The following CNKSR2 variants were observed in gnomAD, a reference collection of about 807,000 sequenced individuals.
CNKSR2 encodes CNK homolog protein 2.
CNKSR2 carries 14 observed loss-of-function variants against 84.4 expected under a neutral mutation model. That is an observed-to-expected ratio of 0.17 (90% CI 0.11 to 0.26). The LOEUF (loss-of-function observed/expected upper bound fraction) is 0.26. Among genes scored for constraint, CNKSR2 ranks in the 10% least tolerant of loss-of-function variants. The pLI is 1.00. For synonymous variants in CNKSR2, 275 were observed against 277.9 expected, an observed-to-expected ratio of 0.99 and a Z score of 0.10; for missense variants, 485 against 771.2, an observed-to-expected ratio of 0.63 and a Z score of 4.40.
At chrX:21,604,311 T>G (rs937218443) in intron 18 of CNKSR2, among the ~76,000 whole-genome samples, 1 of 109,303 alleles carries the variant, frequency 9.1e-6, no homozygotes, top group East Asian at 2.9e-4. Context: ...CACCGGGGCC[T>G]GCTGTGGAGT....
chrX:21,438,024 G>C (rs1210355256), intron 3 of CNKSR2, among the ~76,000 whole-genome samples: 2 of 111,168 alleles, frequency 1.8e-5, no homozygotes, highest in African/African-American at 3.3e-5. Context: ...AATATACTGG[G>C]TTTAGGAGTA....
chrX:21,549,138 G>A (rs2092059041), intron 11 of CNKSR2, among the ~76,000 whole-genome samples: 1 of 112,442 alleles, frequency 8.9e-6, no homozygotes, highest in Non-Finnish European at 1.9e-5. Context: ...ATTTGTCCCT[G>A]TTTGCAGATG....
chrX:21,607,602 G>A (rs750269062), intron 19 of CNKSR2, among the ~76,000 whole-genome samples: 128 of 111,180 alleles, frequency 1.2e-3, no homozygotes, highest in Middle Eastern at 9.2e-3. Flanking sequence ...TCAGGAGTTC[G>A]AAAGCAGCCT....
chrX:21,474,251 G>A (rs887742947), intron 5 of CNKSR2, among the ~76,000 whole-genome samples: 2 of 111,045 alleles, frequency 1.8e-5, no homozygotes, highest in African/African-American at 6.6e-5. Context: ...TATTGTATAT[G>A]AGCATCTTAG....
At chrX:21,620,357 T>C (rs1283763872) in intron 20 of CNKSR2, among the ~76,000 whole-genome samples, 2 of 110,586 alleles carry the variant, frequency 1.8e-5, no homozygotes, top group Non-Finnish European at 3.8e-5. Context: ...TAAAATGTTT[T>C]ATGTTAAGAA....
intron 13 of CNKSR2, among the ~76,000 whole-genome samples, chrX:21,569,760 C>T (rs2092270073): frequency 8.9e-6 from 1 of 112,159 alleles, no homozygotes; most frequent in Admixed American, 9.5e-5. Flanking sequence ...TTTGAAATTA[C>T]TCCTTGATCC....
chrX:21,374,502 C>T lies in CNKSR2; in HGVS notation c.-396C>T, dbSNP rs1488581380. The T allele has an allele frequency of 1.5e-5, 6 of 391,115 alleles. No homozygotes were observed. In the East Asian group the frequency reaches 1.7e-4, roughly 11 times the overall value. The allele number at this position is 391,115 out of a possible 1,213,427, so 32.2% of individuals were successfully genotyped here. Reference sequence around the variant, plus strand: ...GGGCAAGTTGGCTGAGGGCGTGCGGCAGAGGCTGCTTCCCTCGGCGACGCG... The same window carrying T: ...GGGCAAGTTGGCTGAGGGCGTGCGGTAGAGGCTGCTTCCCTCGGCGACGCG... On this transcript the variant is annotated 5_prime_UTR_variant, in exon 1 of 22. Coordinates refer to ENST00000379510, the MANE Select transcript of CNKSR2 (RefSeq NM_014927.5).
intron 20 of CNKSR2, 40 bp from the exon 21 acceptor site, chrX:21,648,791 T>TTTG: frequency 1.2e-6 from 1 of 840,902 alleles, no homozygotes; most frequent in Non-Finnish European, 1.6e-6. Flanking sequence ...TCTCTCTCTC[T>TTTG]TTCTTTTTTT....
At chrX:21,596,028 G>A (rs2092449235) in intron 17 of CNKSR2, among the ~76,000 whole-genome samples, 1 of 110,920 alleles carries the variant, frequency 9.0e-6, no homozygotes, top group African/African-American at 3.3e-5. Flanking sequence ...TATAGAAATT[G>A]AGCTTAAGAT....
chrX:21,637,732 A>G (rs769329488), intron 20 of CNKSR2, among the ~76,000 whole-genome samples: 32 of 111,759 alleles, frequency 2.9e-4, no homozygotes, highest in African/African-American at 7.4e-4. Context: ...AATTATCACT[A>G]TCATTTCATG....
At chrX:21,513,331 G>A (rs894869774) in intron 8 of CNKSR2, among the ~76,000 whole-genome samples, 1 of 111,654 alleles carries the variant, frequency 9.0e-6, no homozygotes, top group Non-Finnish European at 1.9e-5. Context: ...GGACAGGTAG[G>A]CAGAGATGTA....
intron 13 of CNKSR2, among the ~76,000 whole-genome samples, chrX:21,577,167 A>G (rs2092324440): frequency 8.9e-6 from 1 of 111,848 alleles, no homozygotes; most frequent in African/African-American, 3.2e-5. Context: ...ATTCACAAAT[A>G]TGCCCTCACT....
chrX:21,512,197 T>A (rs1016463945), intron 8 of CNKSR2, among the ~76,000 whole-genome samples: 5 of 111,956 alleles, frequency 4.5e-5, no homozygotes, highest in Admixed American at 2.8e-4. Flanking sequence ...GCTCATAATC[T>A]ATTACAGAGG....
At chrX:21,626,151 A>G (rs2092622102) in intron 20 of CNKSR2, among the ~76,000 whole-genome samples, 1 of 109,002 alleles carries the variant, frequency 9.2e-6, no homozygotes, top group South Asian at 4.1e-4. Context: ...TACCTTGTGA[A>G]ATCAGACAAG....
At chrX:21,446,898 T>G (rs747386869) in intron 4 of CNKSR2, among the ~76,000 whole-genome samples, 6 of 111,701 alleles carry the variant, frequency 5.4e-5, no homozygotes, top group African/African-American at 1.9e-4. Context: ...TTATGAAGAA[T>G]AATAATAAAT....
At chrX:21,392,174 C>T (rs1328208690) in intron 1 of CNKSR2, among the ~76,000 whole-genome samples, 4 of 111,793 alleles carry the variant, frequency 3.6e-5, no homozygotes, top group Non-Finnish European at 7.5e-5. Context: ...CCAAACTTTC[C>T]CTCATCTTCC....
chrX:21,608,525 C>T (rs2092530929), intron 19 of CNKSR2, among the ~76,000 whole-genome samples: 1 of 111,404 alleles, frequency 9.0e-6, no homozygotes, highest in Non-Finnish European at 1.9e-5. Flanking sequence ...CTCATCCTGC[C>T]TAACATTTTT....
chrX:21,399,790 G>T (rs1266854861), intron 1 of CNKSR2, among the ~76,000 whole-genome samples: 1 of 111,671 alleles, frequency 9.0e-6, no homozygotes, highest in Non-Finnish European at 1.9e-5. Context: ...GTGTGGAAAA[G>T]TGTGGCCTTT....
At chrX:21,457,827 T>A (rs998611479) in intron 4 of CNKSR2, among the ~76,000 whole-genome samples, 1 of 111,782 alleles carries the variant, frequency 8.9e-6, no homozygotes, top group Non-Finnish European at 1.9e-5. Context: ...CAGCTAACAT[T>A]TGCATGTTTT....
Sources: allele counts gnomAD v4.1 joint callset (sites outside exome capture counted in the v4.1 genomes callset), GRCh38; gene constraint gnomAD v4.1.1; transcripts MANE v1.5; gene names NCBI Gene and HGNC (gene_info 2026-07-23, HGNC 2026-07-21).